The following NINL variants were observed in gnomAD, a reference collection of about 807,000 sequenced individuals.
The protein encoded by NINL is ninein like.
A neutral mutation model predicts 160.3 loss-of-function variants in NINL; 153 were observed. The observed-to-expected ratio is 0.95, with a 90% CI of 0.84 to 1.09. The LOEUF (loss-of-function observed/expected upper bound fraction) is 1.09, where lower values mean the gene tolerates loss of function less well. Among genes scored for constraint, NINL ranks in the 50% least tolerant of loss-of-function variants. The pLI is 0.00. For missense variants in NINL, 1,829 were observed against 1,764.0 expected, an observed-to-expected ratio of 1.04 and a Z score of -0.66; for synonymous variants, 800 against 734.8, an observed-to-expected ratio of 1.09 and a Z score of -1.43.
chr20:25,521,763 T>C (rs546569103), intron 2 of NINL, among the ~76,000 whole-genome samples: 1 of 152,366 alleles, frequency 6.6e-6, no homozygotes, highest in South Asian at 2.1e-4. Flanking sequence ...CCTGGGTTTC[T>C]ACCTTGAATG....
chr20:25,462,006 C>T (rs1156265548), intron 20 of NINL, among the ~76,000 whole-genome samples: 2 of 152,230 alleles, frequency 1.3e-5, no homozygotes, highest in African/African-American at 4.8e-5. Context: ...TTCTGCTTTG[C>T]TATTATAAAC....
In NINL at chr20:25,462,365, GC is replaced by G; in HGVS notation, c.3582+17del. The G allele has an allele frequency of 8.6e-7, 1 of 1,160,226 alleles. No individual in the cohort carries two copies. Among genetic ancestry groups the G allele is most frequent in the South Asian group, 1.8e-5 (1 of 56,766 alleles). The allele number at this position is 1,160,226 out of a possible 1,614,324, so 71.9% of individuals were successfully genotyped here. On this transcript the variant is annotated intron_variant, in intron 20 of 23. Transcript: ENST00000278886. ...CTCCCAGCCTCCAGCTCAGCTCCCT[GC>G]GGCTGAGGCCACCCACCTGCTGCTG...
chr20:25,547,829 G>A (rs1247328507), intron 1 of NINL, among the ~76,000 whole-genome samples: 1 of 152,192 alleles, frequency 6.6e-6, no homozygotes, highest in Admixed American at 6.5e-5. Context: ...GAAGCCATAG[G>A]AAAGCAGGCT....
At chr20:25,579,217 C>A (rs190637468) in intron 1 of NINL, among the ~76,000 whole-genome samples, 4 of 152,082 alleles carry the variant, frequency 2.6e-5, no homozygotes, top group Admixed American at 1.3e-4. Flanking sequence ...CTCTCCAGAC[C>A]GGAGCACCCC....
intron 1 of NINL, among the ~76,000 whole-genome samples, chr20:25,554,514 G>A (rs1485652519): frequency 6.6e-6 from 1 of 151,908 alleles, no homozygotes; most frequent in Non-Finnish European, 1.5e-5. Flanking sequence ...GCCAGGTGCA[G>A]TGGTTCATGC....
At chr20:25,491,838 G>C (rs989483537) in intron 10 of NINL, among the ~76,000 whole-genome samples, 1 of 152,234 alleles carries the variant, frequency 6.6e-6, no homozygotes, top group African/African-American at 2.4e-5. Context: ...CACCCGGTGT[G>C]CATGGCAGGT....
intron 8 of NINL, chr20:25,499,276 A>G: frequency 1.0e-6 from 1 of 966,534 alleles, no homozygotes; most frequent in Non-Finnish European, 1.2e-6. Flanking sequence ...GCGTAGAGGG[A>G]CAGAACCGCC....
Position 25,532,685 on chromosome 20 carries a change from G to C in NINL, c.-11-6087C>G, listed in dbSNP as rs114331740. Among the ~76,000 whole-genome samples the C allele has an allele frequency of 2.1e-3, 322 of 152,364 alleles. 1 individual carries two copies. The highest frequency in any genetic ancestry group is 7.0e-3 in the African/African-American group (292 of 41,594). ...TGCTTCACCTATTGGTGAGTCAGGT[G>C]CGGGCAAGCAGGTGAGTCAGACACA... On this transcript the variant is annotated intron_variant, in intron 1 of 23. Transcript: ENST00000278886.
At chr20:25,525,420 G>A (rs1321122539) in intron 2 of NINL, among the ~76,000 whole-genome samples, 3 of 152,230 alleles carry the variant, frequency 2.0e-5, no homozygotes, top group African/African-American at 7.2e-5. Context: ...GGGAGGCCAA[G>A]GCACGTGGAT....
intron 1 of NINL, among the ~76,000 whole-genome samples, chr20:25,569,735 CGG>C (rs1568972181): frequency 6.6e-5 from 10 of 152,046 alleles, no homozygotes; most frequent in Non-Finnish European, 7.4e-5. Context: ...AGCACGGAGG[CGG>C]AGGAAGCAGC....
intron 19 of NINL, among the ~76,000 whole-genome samples, chr20:25,463,362 T>C (rs943001343): frequency 2.0e-5 from 3 of 152,202 alleles, no homozygotes; most frequent in Non-Finnish European, 2.9e-5. Flanking sequence ...GGTACATGAA[T>C]CTCTTAAGTC....
At chr20:25,525,431 T>C (rs409853) in intron 2 of NINL, among the ~76,000 whole-genome samples, 86,868 of 152,106 alleles carry the variant, frequency 0.57, 26,327 homozygotes, top group East Asian at 0.98. Context: ...GCACGTGGAT[T>C]GCTAGAGCTC....
In NINL at chr20:25,504,605, C is replaced by T. The variant is rs569689892; in HGVS notation, c.708+283G>A. Among the ~76,000 whole-genome samples the T allele has an allele frequency of 2.0e-5, 3 of 152,288 alleles. No homozygotes were observed. The South Asian group carries it at 6.2e-4, about 32-fold the overall frequency. On this transcript the variant is annotated intron_variant, in intron 6 of 23. Coordinates refer to ENST00000278886, the MANE Select transcript of NINL (RefSeq NM_025176.6). ...CGGCCACACAGAGAAGGGGGAAAGG[C>T]ATCCAGGCAGAGGAAGGATGTCAGT...
chr20:25,538,586 G>T (rs1023801143), intron 1 of NINL, among the ~76,000 whole-genome samples: 1 of 152,316 alleles, frequency 6.6e-6, no homozygotes, highest in African/African-American at 2.4e-5. Flanking sequence ...GCCAACCATG[G>T]CATGGCCTCT....
At chr20:25,456,895 G>C (rs1324009570) in intron 22 of NINL, among the ~76,000 whole-genome samples, 1 of 152,094 alleles carries the variant, frequency 6.6e-6, no homozygotes, top group African/African-American at 2.4e-5. Flanking sequence ...TCGCACCATT[G>C]CACTCCAGCC....
intron 18 of NINL, among the ~76,000 whole-genome samples, chr20:25,468,608 TC>T (rs2062986775): frequency 8.5e-6 from 1 of 117,904 alleles, no homozygotes; most frequent in Non-Finnish European, 1.7e-5. Flanking sequence ...CTCTGTCCTG[TC>T]CCCTGACTCT....
intron 1 of NINL, among the ~76,000 whole-genome samples, chr20:25,543,043 A>AG (rs199733409): frequency 0.087 from 13,010 of 150,332 alleles, 937 homozygotes; most frequent in African/African-American, 0.2. Flanking sequence ...CCGTCTTCAA[A>AG]AAAAAAAAAA....
At chr20:25,519,181 C>T (rs443009) in intron 2 of NINL, among the ~76,000 whole-genome samples, 86,311 of 151,250 alleles carry the variant, frequency 0.57, 26,127 homozygotes, top group East Asian at 0.98. Context: ...CCATTCTTAG[C>T]TTACCAAAGT....
rs1011976629 is a variant in NINL, at chr20:25,498,969, G to A, written c.1033-623C>T. The stretch of plus-strand genomic sequence containing the variant: ...ACACCCTAAGACCCTCAGCTCAAGG[G>A]AGCGGCAGCTAACGTTCTGTCGTGT... On this transcript the variant is annotated intron_variant, in intron 8 of 23. Transcript: ENST00000278886. The A allele has an allele frequency of 7.1e-6, 7 of 985,362 alleles. No homozygotes were observed. In the African/African-American group the frequency reaches 1.0e-4, roughly 15 times the overall value. 61.0% of individuals were successfully genotyped at this position (985,362 alleles called of 1,614,324 possible).
Sources: allele counts gnomAD v4.1 joint callset (sites outside exome capture counted in the v4.1 genomes callset), GRCh38; gene constraint gnomAD v4.1.1; transcripts MANE v1.5; gene names NCBI Gene and HGNC (gene_info 2026-07-23, HGNC 2026-07-21).